Variants in ZBED4 observed in about 807,000 individuals in gnomAD.
ZBED4 encodes the protein zinc finger BED-type containing 4, also known as zinc finger BED domain-containing protein 4.
In ZBED4, 4 loss-of-function variants were observed where a neutral mutation model predicts 15.5. That is an observed-to-expected ratio of 0.26 (90% CI 0.13 to 0.59). The LOEUF (loss-of-function observed/expected upper bound fraction) is 0.59, where lower values mean the gene tolerates loss of function less well. ZBED4 is among the 20% of genes least tolerant of loss of function. The probability of loss-of-function intolerance (pLI) is 0.90; values close to 1 mark genes in which losing one functional copy is unlikely to be tolerated. For missense variants in ZBED4, 1,323 were observed against 1,461.8 expected, an observed-to-expected ratio of 0.91 and a Z score of 1.55; for synonymous variants, 692 against 608.5, an observed-to-expected ratio of 1.14 and a Z score of -2.02.
chr22:49,871,357 G>A (rs1042179052), intron 1 of ZBED4, among the ~76,000 whole-genome samples: 5 of 152,006 alleles, frequency 3.3e-5, no homozygotes, highest in South Asian at 2.1e-4. Flanking sequence ...GTGGTGGCAC[G>A]CACCTGTAAT....
At position 49,884,745 on chromosome 22, in the gene ZBED4, C is replaced by T; in HGVS notation, c.1083C>T (p.Ser361=). 1 of 1,593,336 alleles carries T rather than the reference C, an allele frequency of 6.3e-7. No individual in the cohort carries two copies. The highest frequency in any genetic ancestry group is 8.6e-7 in the Non-Finnish European group (1 of 1,166,970). The change falls in exon 2 of 2, where the codon TCC becomes TCT. Residue 361 remains serine (S), a synonymous_variant. Coordinates refer to ENST00000216268, the MANE Select transcript of ZBED4 (RefSeq NM_014838.3). ...CCACCCCTCCCACTCTGCTGCCTTC[C>T]TTGCTGCCGCCGGAGGGGGAGCTCA... ...LYSTPPTLLP[S]LLPPEGELSS... is the part of the protein sequence containing the mutation.
intron 1 of ZBED4, among the ~76,000 whole-genome samples, chr22:49,873,921 G>T (rs536245957): frequency 5.3e-5 from 8 of 152,362 alleles, no homozygotes; most frequent in African/African-American, 1.9e-4. Context: ...GAATGGGGCG[G>T]CGCTGCCACC....
rs756708958 is a variant in ZBED4 at position 49,884,335 on chromosome 22, G to A, written c.673G>A (p.Glu225Lys). 6.2e-7 allele frequency: 1 copy of A among 1,613,648 alleles called. No individual in the cohort carries two copies. The highest frequency in any genetic ancestry group is 1.7e-5 in the Admixed American group (1 of 59,870). ...KIPSPDRITE[E>K]SVSVVSSEEI... ...CCCGTCCCCCGATCGAATAACAGAGGAGTCTGTGTCTGTAGTTTCTTCTGA... is the reference window on the plus strand; with the variant it reads ...CCCGTCCCCCGATCGAATAACAGAGAAGTCTGTGTCTGTAGTTTCTTCTGA... Residue 225 changes from glutamate (E) to lysine (K), a missense_variant, in exon 2 of 2, where the codon GAG becomes AAG. This residue lies in a region of ZBED4 where 380 missense variants were observed against 413.7 expected (regional missense o/e 0.92). Coordinates refer to ENST00000216268, the MANE Select transcript of ZBED4 (RefSeq NM_014838.3).
intron 1 of ZBED4, among the ~76,000 whole-genome samples, chr22:49,861,489 A>G (rs990086976): frequency 1.1e-4 from 17 of 151,714 alleles, no homozygotes; most frequent in African/African-American, 3.9e-4. Flanking sequence ...GCTGGAGTGC[A>G]GTGGCCTGAT....
chr22:49,854,182 C>A (rs1322557037), intron 1 of ZBED4, among the ~76,000 whole-genome samples, 193 bp downstream of exon 1: 8 of 146,554 alleles, frequency 5.5e-5, no homozygotes, highest in Non-Finnish European at 1.2e-4. Flanking sequence ...CCCGCGCGGA[C>A]CCCGGCCCTG....
intron 1 of ZBED4, among the ~76,000 whole-genome samples, chr22:49,863,665 T>A (rs1418303352): frequency 6.6e-6 from 1 of 152,188 alleles, no homozygotes; most frequent in East Asian, 1.9e-4. Context: ...GGCTGAGTTA[T>A]TGCTTCTTTA....
At position 49,886,731 on chromosome 22, in the gene ZBED4, G is replaced by C; in HGVS notation, c.3069G>C (p.Glu1023Asp). The C allele has an allele frequency of 6.2e-7, 1 of 1,613,334 alleles. No individual in the cohort carries two copies. Among genetic ancestry groups the C allele is most frequent in the East Asian group, 2.2e-5 (1 of 44,874 alleles). Reference protein sequence around the residue: ...KASLFTEEEAEQYKQDLIREL... With the variant: ...KASLFTEEEADQYKQDLIREL... ...CCCTGTTTACGGAGGAGGAGGCGGAGCAGTACAAACAGGATTTAATCAGGG... is the reference window on the plus strand; with the variant it reads ...CCCTGTTTACGGAGGAGGAGGCGGACCAGTACAAACAGGATTTAATCAGGG... Residue 1023 changes from glutamate to aspartate, a missense_variant, in exon 2 of 2, where the codon GAG becomes GAC. Transcript: ENST00000216268. The surrounding 1 kb of genome is among the most constrained non-coding windows in gnomAD (Gnocchi z 7.7).
rs1486286377 is a variant in ZBED4 at position 49,884,696 on chromosome 22, G to A, written c.1034G>A (p.Gly345Asp). ...GCCATCGTGTTGCAGGAGAACGGGG[G>A]CACGGGCATCCCGCCACTGTACTCC... is the stretch of plus-strand genomic sequence containing the variant. Reference protein sequence around the residue: ...HRAIVLQENGGTGIPPLYSTP... With the variant: ...HRAIVLQENGDTGIPPLYSTP... Residue 345 changes from glycine to aspartate, a missense_variant, in exon 2 of 2, where the codon GGC becomes GAC. This residue lies in a region of ZBED4 where 429 missense variants were observed against 397.9 expected (regional missense o/e 1.08). Coordinates refer to ENST00000216268, the MANE Select transcript of ZBED4 (RefSeq NM_014838.3). 2.9e-5 allele frequency: 46 copies of A among 1,600,538 alleles called. No individual in the cohort carries two copies. Among genetic ancestry groups the A allele is most frequent in the Non-Finnish European group, 3.6e-5 (42 of 1,172,822 alleles).
At position 49,885,688 on chromosome 22, in the gene ZBED4, G is replaced by C; in HGVS notation, c.2026G>C (p.Val676Leu). 6.2e-7 allele frequency: 1 copy of C among 1,611,328 alleles called. No individual in the cohort carries two copies. Among genetic ancestry groups the C allele is most frequent in the Non-Finnish European group, 8.5e-7 (1 of 1,177,730 alleles). The change falls in exon 2 of 2, where the codon GTA becomes CTA. Residue 676 changes from valine (V) to leucine (L), a missense_variant. Val to Leu is a conservative substitution (Grantham distance 32, BLOSUM62 1). Coordinates refer to ENST00000216268, the MANE Select transcript of ZBED4 (RefSeq NM_014838.3). ...ACTTGACCTCCAGCCATATTCTTTT[G>C]TAGACAACGTTGGCTTTAACAGGCT... Reference protein sequence around the residue: ...IALDLQPYSFVDNVGFNRLLE... With the variant: ...IALDLQPYSFLDNVGFNRLLE...
At chr22:49,866,460 TTTC>T (rs1443694455) in intron 1 of ZBED4, among the ~76,000 whole-genome samples, 1 of 152,184 alleles carries the variant, frequency 6.6e-6, no homozygotes, top group African/African-American at 2.4e-5. Context: ...TGTTCTCCTG[TTTC>T]TTCTTTTTTA....
intron 1 of ZBED4, among the ~76,000 whole-genome samples, chr22:49,855,793 C>T (rs1001453662): frequency 6.6e-5 from 10 of 151,656 alleles, no homozygotes; most frequent in Non-Finnish European, 1.2e-4. Flanking sequence ...CTGGGCGTGG[C>T]TTTGCCCAGC....
rs532373763 is a variant in ZBED4 at position 49,886,296 on chromosome 22, G to A, written c.2634G>A (p.Ala878=). 2.1e-5 allele frequency: 31 copies of A among 1,506,192 alleles called. 1 individual carries two copies. The highest frequency in any genetic ancestry group is 9.3e-5 in the Admixed American group (5 of 53,864). The allele number at this position is 1,506,192 out of a possible 1,614,324, so 93.3% of individuals were successfully genotyped here. ...TGGCCGAGCTGCAGAGGGAGTACGC[G>A]CTGCCTCAGCATCACCTCATCCAGG... The part of the protein sequence containing the change: ...EKLAELQREY[A]LPQHHLIQDV... The change falls in exon 2 of 2, where the codon GCG becomes GCA. Residue 878 remains alanine (A), a synonymous_variant. Transcript: ENST00000216268. The surrounding 1 kb of genome is among the most constrained non-coding windows in gnomAD (Gnocchi z 7.7).
In ZBED4 at chr22:49,884,423, C is replaced by T. The variant is rs544444208; in HGVS notation, c.761C>T (p.Ser254Leu). The T allele has an allele frequency of 1.3e-5, 21 of 1,613,658 alleles. No individual in the cohort carries two copies. The highest frequency in any genetic ancestry group is 1.7e-5 in the Admixed American group (1 of 59,914). The change falls in exon 2 of 2, where the codon TCG becomes TTG. Residue 254 changes from serine (S) to leucine (L), a missense_variant. By Grantham distance (145) the Ser-to-Leu change is moderately radical (BLOSUM62 -2). This residue lies in a region of ZBED4 where 380 missense variants were observed against 413.7 expected (regional missense o/e 0.92). Coordinates refer to ENST00000216268, the MANE Select transcript of ZBED4 (RefSeq NM_014838.3). ...KCGREEALVG[S>L]SPHLPALHYD... ...GGCAGAGAAGAAGCCCTGGTGGGGT[C>T]GTCTCCCCACCTCCCTGCTCTCCAT...
chr22:49,865,738 A>G (rs985728220), intron 1 of ZBED4, among the ~76,000 whole-genome samples: 23 of 152,138 alleles, frequency 1.5e-4, no homozygotes, highest in Admixed American at 1.5e-3. Context: ...GCTCTCCGGT[A>G]GATCTCTCAG....
At chr22:49,857,510 G>T (rs1262300685) in intron 1 of ZBED4, among the ~76,000 whole-genome samples, 1 of 152,218 alleles carries the variant, frequency 6.6e-6, no homozygotes, top group African/African-American at 2.4e-5. Context: ...TCCTGAGCAC[G>T]TCTGACAGAG....
At chr22:49,857,909 G>A (rs991570834) in intron 1 of ZBED4, among the ~76,000 whole-genome samples, 6 of 152,234 alleles carry the variant, frequency 3.9e-5, no homozygotes, top group African/African-American at 1.4e-4. Flanking sequence ...ATAGGCGTGC[G>A]CCACCGTGCC....
Position 49,886,177 on chromosome 22 carries a change from G to T in ZBED4, c.2515G>T (p.Ala839Ser), listed in dbSNP as rs751304530. ...SHTVNLIVSE[A>S]IKSQRMVQNL... The stretch of plus-strand genomic sequence containing the variant: ...TACGGTGAACCTGATCGTCAGCGAG[G>T]CCATTAAGAGCCAGCGGATGGTGCA... Residue 839 changes from alanine to serine, a missense_variant, in exon 2 of 2, where the codon GCC becomes TCC. By Grantham distance (99) the Ala-to-Ser change is moderately conservative. Transcript: ENST00000216268. The surrounding 1 kb of genome is among the most constrained non-coding windows in gnomAD (Gnocchi z 7.7). The T allele has an allele frequency of 4.2e-6, 3 of 706,254 alleles. No homozygotes were observed. The Admixed American group carries it at 6.8e-5, about 16-fold the overall frequency. 43.7% of individuals were successfully genotyped at this position (706,254 alleles called of 1,614,324 possible). A position where few individuals can be genotyped will look rare whatever the true frequency, so the allele number is the denominator to read the frequency against.
At chr22:49,881,333 A>G (rs1437972948) in intron 1 of ZBED4, among the ~76,000 whole-genome samples, 1 of 152,394 alleles carries the variant, frequency 6.6e-6, no homozygotes, top group East Asian at 1.9e-4. Flanking sequence ...CCTGGGCGAC[A>G]GAGTGATCCG....
At position 49,884,114 on chromosome 22, in the gene ZBED4, A is replaced by C; in HGVS notation, c.452A>C (p.Asp151Ala). 6.2e-7 allele frequency: 1 copy of C among 1,613,618 alleles called. No homozygotes were observed. Among genetic ancestry groups the C allele is most frequent in the Non-Finnish European group, 8.5e-7 (1 of 1,179,814 alleles). The change falls in exon 2 of 2, where the codon GAC (aspartate) becomes GCC (alanine). Residue 151 changes from aspartate to alanine, a missense_variant. Coordinates refer to ENST00000216268, the MANE Select transcript of ZBED4 (RefSeq NM_014838.3). Reference sequence around the variant, plus strand: ...TTCAGCAGAGGCAAAAACGAGAAAGACTTGAGTACCAGTTGTCTCATGAGG... The same window carrying C: ...TTCAGCAGAGGCAAAAACGAGAAAGCCTTGAGTACCAGTTGTCTCATGAGG... ...KEFSRGKNEK[D>A]LSTSCLMRHV...
Sources: allele counts gnomAD v4.1 joint callset (sites outside exome capture counted in the v4.1 genomes callset), GRCh38; gene constraint gnomAD v4.1.1; regional missense constraint gnomAD v4.1.1; non-coding constraint Gnocchi (gnomAD v3.1); transcripts MANE v1.5; gene names NCBI Gene and HGNC (gene_info 2026-07-23, HGNC 2026-07-21).